FRRS1L: variants seen among roughly 807,000 people sequenced by gnomAD.
The protein encoded by FRRS1L is ferric chelate reductase 1 like, also known as DOMON domain-containing protein FRRS1L.
In FRRS1L, 22 loss-of-function variants were observed where a neutral mutation model predicts 28.6. The observed-to-expected ratio is 0.77, with a 90% confidence interval of 0.55 to 1.10. FRRS1L has a LOEUF of 1.10. Among genes scored for constraint, FRRS1L ranks in the 50% least tolerant of loss-of-function variants. FRRS1L has a pLI of 0.00. For synonymous variants in FRRS1L, 158 were observed against 151.4 expected, an observed-to-expected ratio of 1.04 and a Z score of -0.32; for missense variants, 380 against 386.9, an observed-to-expected ratio of 0.98 and a Z score of 0.15.
rs377132738 is a variant in FRRS1L at position 109,137,464 on chromosome 9, T to C, written c.873A>G (p.Gly291=). 1.2e-6 allele frequency: 2 copies of C among 1,603,634 alleles called. No individual in the cohort carries two copies. Among genetic ancestry groups the C allele is most frequent in the South Asian group, 2.2e-5 (2 of 89,226 alleles). ...IVALTFYLLM[G]TP Reference sequence around the variant, plus strand: ...GGCCCTGCAGCTGTGGTTAGGGGGTTCCCATCAATAGGTAGAAGGTCAGAG... The same window carrying C: ...GGCCCTGCAGCTGTGGTTAGGGGGTCCCCATCAATAGGTAGAAGGTCAGAG... The change falls in exon 5 of 5, where the codon GGA becomes GGG. Residue 291 remains glycine (G), a synonymous_variant. Coordinates refer to ENST00000561981, the MANE Select transcript of FRRS1L (RefSeq NM_014334.4).
In FRRS1L at chr9:109,134,272, C is replaced by T. The variant is rs1249375022; in HGVS notation, c.*3183G>A. On this transcript the variant is annotated 3_prime_UTR_variant, in exon 5 of 5. Coordinates refer to ENST00000561981, the MANE Select transcript of FRRS1L (RefSeq NM_014334.4). ...ATCTGCTACAATGATGAGTAATGGT[C>T]TCTGCATTAGGGAGATAACAAGGAG... 1.3e-5 allele frequency: 2 copies of T among 152,108 alleles called. No homozygotes were observed. Among genetic ancestry groups the T allele is most frequent in the Non-Finnish European group, 2.9e-5 (2 of 68,030 alleles). The allele number at this position is 152,108 out of a possible 1,614,324, so 9.4% of individuals were successfully genotyped here. A position where few individuals can be genotyped will look rare whatever the true frequency, so the allele number is the denominator to read the frequency against.
chr9:109,145,985 C>G (rs1029347883), intron 3 of FRRS1L, among the ~76,000 whole-genome samples: 7 of 152,158 alleles, frequency 4.6e-5, no homozygotes, highest in African/African-American at 1.4e-4. Context: ...CATCTGAGGT[C>G]AGGAGTTTGA....
At position 109,144,215 on chromosome 9, in the gene FRRS1L, C is replaced by A. The variant is rs534643080; in HGVS notation, c.463-2626G>T. Among the ~76,000 whole-genome samples, 284 of 152,232 alleles carry A rather than the reference C, an allele frequency of 1.9e-3. 1 individual carries two copies. Among genetic ancestry groups the A allele is most frequent in the African/African-American group, 6.7e-3 (277 of 41,498 alleles). ...CTTACCAGTGGTACCCATTGTCTTA[C>A]TACTTGGACTGGAACTCATTGAAGG... On this transcript the variant is annotated intron_variant, in intron 3 of 4. Transcript: ENST00000561981.
chr9:109,149,783 T>A (rs779819799), intron 1 of FRRS1L, 63 bp from the exon 2 acceptor site: 78 of 1,132,102 alleles, frequency 6.9e-5, no homozygotes, highest in Non-Finnish European at 1.0e-4. Context: ...TGAGAATTTT[T>A]AAAAATGTGT....
At position 109,147,172 on chromosome 9, in the gene FRRS1L, C is replaced by T. The variant is rs1831274008; in HGVS notation, c.341G>A (p.Cys114Tyr). 6.2e-7 allele frequency: 1 copy of T among 1,613,606 alleles called. No homozygotes were observed. Among genetic ancestry groups the T allele is most frequent in the South Asian group, 1.1e-5 (1 of 91,070 alleles). ...KGCFRYGKPG[C>Y]NAETCDYFLS... The stretch of plus-strand genomic sequence containing the variant: ...GAAATAGTCACAGGTCTCTGCATTA[C>T]AGCCTGGTTTGCCATATCTAGAAGA... Residue 114 changes from cysteine to tyrosine, a missense_variant, in exon 3 of 5, where the codon TGT becomes TAT. Coordinates refer to ENST00000561981, the MANE Select transcript of FRRS1L (RefSeq NM_014334.4).
chr9:109,160,781 A>G (rs1192882150), intron 1 of FRRS1L, among the ~76,000 whole-genome samples: 9 of 144,668 alleles, frequency 6.2e-5, no homozygotes, highest in African/African-American at 2.3e-4. Context: ...CATCTTTCTG[A>G]GAAAGAAATC....
chr9:109,147,382 C>A lies in FRRS1L; in HGVS notation c.324-193G>T, dbSNP rs937493971. The A allele has an allele frequency of 1.3e-5, 7 of 558,460 alleles. No homozygotes were observed. The Admixed American group carries it at 2.3e-4, about 19-fold the overall frequency. The allele number at this position is 558,460 out of a possible 1,614,324, so 34.6% of individuals were successfully genotyped here. A position where few individuals can be genotyped will look rare whatever the true frequency, so the allele number is the denominator to read the frequency against. On this transcript the variant is annotated intron_variant, in intron 2 of 4. Coordinates refer to ENST00000561981, the MANE Select transcript of FRRS1L (RefSeq NM_014334.4). ...GAGATGATCTGCCCCACTTTGTACA[C>A]AAGAACTGCAGTCCTGAGATGGGAA...
chr9:109,155,260 AT>A (rs1321826405), intron 1 of FRRS1L, among the ~76,000 whole-genome samples: 1 of 152,250 alleles, frequency 6.6e-6, no homozygotes, highest in Non-Finnish European at 1.5e-5. Context: ...TTTAATTTGC[AT>A]AAATGACACT....
In FRRS1L at chr9:109,130,410, G is replaced by C. The variant is rs1281213856; in HGVS notation, c.*7045C>G. 6 of 152,172 alleles carry C rather than the reference G, an allele frequency of 3.9e-5. No individual in the cohort carries two copies. Among genetic ancestry groups the C allele is most frequent in the Non-Finnish European group, 8.8e-5 (6 of 68,024 alleles). The allele number at this position is 152,172 out of a possible 1,614,324, so 9.4% of individuals were successfully genotyped here. A position where few individuals can be genotyped will look rare whatever the true frequency, so the allele number is the denominator to read the frequency against. On this transcript the variant is annotated 3_prime_UTR_variant, in exon 5 of 5. Transcript: ENST00000561981. ...ATTCTGACTAACATAATCATCCAAA[G>C]ATAAAAGTATTTGTGATGGCAAATG... is the stretch of plus-strand genomic sequence containing the variant.
rs1831074323 is a variant in FRRS1L, at chr9:109,133,023, T to C, written c.*4432A>G. On this transcript the variant is annotated 3_prime_UTR_variant, in exon 5 of 5. Coordinates refer to ENST00000561981, the MANE Select transcript of FRRS1L (RefSeq NM_014334.4). ...TAGACAGTAAACTTAATTCCAGAAA[T>C]AGTAGTAAATACCATCTAGGATGGA... 1 of 152,188 alleles carries C rather than the reference T, an allele frequency of 6.6e-6. No homozygotes were observed. Among genetic ancestry groups the C allele is most frequent in the Admixed American group, 6.5e-5 (1 of 15,274 alleles). The allele number at this position is 152,188 out of a possible 1,614,324, so 9.4% of individuals were successfully genotyped here.
chr9:109,166,878 C>G (rs1170629351), intron 1 of FRRS1L, 23 bp downstream of exon 1: 2 of 1,229,606 alleles, frequency 1.6e-6, no homozygotes, highest in Middle Eastern at 3.1e-4. Flanking sequence ...CTCCCGCAAC[C>G]CCTCGCCCTC....
In FRRS1L at chr9:109,135,744, C is replaced by T. The variant is rs1311748440; in HGVS notation, c.*1711G>A. 6.6e-6 allele frequency: 1 copy of T among 151,982 alleles called. No individual in the cohort carries two copies. Among genetic ancestry groups the T allele is most frequent in the Non-Finnish European group, 1.5e-5 (1 of 68,014 alleles). The allele number at this position is 151,982 out of a possible 1,614,324, so 9.4% of individuals were successfully genotyped here. A position where few individuals can be genotyped will look rare whatever the true frequency, so the allele number is the denominator to read the frequency against. On this transcript the variant is annotated 3_prime_UTR_variant, in exon 5 of 5. Transcript: ENST00000561981. ...GGGATTACAGGTGTGAGCCACCGCG[C>T]TCAGCCACAAGTCTGAACATTTAAA...
chr9:109,164,784 G>C (rs918211947), intron 1 of FRRS1L, among the ~76,000 whole-genome samples: 3 of 152,188 alleles, frequency 2.0e-5, no homozygotes, highest in Non-Finnish European at 2.9e-5. Flanking sequence ...TGGTGGGGGC[G>C]CGAAGCAGAC....
chr9:109,143,776 A>G (rs1831219761), intron 3 of FRRS1L, among the ~76,000 whole-genome samples: 1 of 151,956 alleles, frequency 6.6e-6, no homozygotes, highest in African/African-American at 2.4e-5. Flanking sequence ...CGGCCTCCCA[A>G]AGTTCTGGGA....
At chr9:109,149,570 T>C in intron 2 of FRRS1L, 66 bp downstream of exon 2, 1 of 1,097,876 alleles carries the variant, frequency 9.1e-7, no homozygotes. Flanking sequence ...GCATGCAATT[T>C]AAATACTACC....
rs968650190 is a variant in FRRS1L, at chr9:109,141,536, T to C, written c.516A>G (p.Ile172Met). Reference sequence around the variant, plus strand: ...ACTGGCCTACATTATAGAAGTGCTGTATGCGGACCCTGCCATTGTCATCAT... The same window carrying C: ...ACTGGCCTACATTATAGAAGTGCTGCATGCGGACCCTGCCATTGTCATCAT... The part of the protein sequence containing the change: ...CVHDDNGRVR[I>M]QHFYNVGQWA... Residue 172 changes from isoleucine (I) to methionine (M), a missense_variant, in exon 4 of 5, where the codon ATA (isoleucine) becomes ATG (methionine). Transcript: ENST00000561981. 8.1e-6 allele frequency: 13 copies of C among 1,613,928 alleles called. No homozygotes were observed. Among genetic ancestry groups the C allele is most frequent in the Admixed American group, 1.7e-5 (1 of 59,996 alleles).
In FRRS1L at chr9:109,155,767, G is replaced by A. The variant is rs180680223; in HGVS notation, c.239-6047C>T. On this transcript the variant is annotated intron_variant, in intron 1 of 4. Transcript: ENST00000561981. ...AATCAGAAAGATTCGTGGTTGTCTC[G>A]AGCTGGGGTGGGGAGGAGGGAGATG... 6.5e-3 allele frequency among the ~76,000 whole-genome samples: 987 copies of A among 151,248 alleles called. 11 individuals carry two copies. Among genetic ancestry groups the A allele is most frequent in the African/African-American group, 0.023 (939 of 41,140 alleles).
At chr9:109,152,487 T>C (rs902370891) in intron 1 of FRRS1L, among the ~76,000 whole-genome samples, 7 of 150,904 alleles carry the variant, frequency 4.6e-5, no homozygotes, top group African/African-American at 1.7e-4. Context: ...GTAATAACCA[T>C]TGGGTACGAT....
intron 1 of FRRS1L, among the ~76,000 whole-genome samples, chr9:109,163,925 C>A (rs1831510830): frequency 6.6e-6 from 1 of 152,202 alleles, no homozygotes; most frequent in African/African-American, 2.4e-5. Context: ...AACCTCTCAT[C>A]TCCTGAAACC....
Sources: allele counts gnomAD v4.1 joint callset (sites outside exome capture counted in the v4.1 genomes callset), GRCh38; gene constraint gnomAD v4.1.1; transcripts MANE v1.5; gene names NCBI Gene and HGNC (gene_info 2026-07-23, HGNC 2026-07-21).